DNM3: variants seen among roughly 807,000 people sequenced by gnomAD.
DNM3 encodes the protein dynamin-3.
In DNM3, 47 loss-of-function variants were observed where a neutral mutation model predicts 101.6. The ratio of observed to expected loss-of-function variants is 0.46; its 90% confidence interval spans 0.37 to 0.59. The LOEUF (loss-of-function observed/expected upper bound fraction) is 0.59. DNM3 is among the 20% of genes least tolerant of loss of function. The pLI is 0.00. For synonymous variants in DNM3, 385 were observed against 387.9 expected (o/e 0.99, Z 0.09); for missense variants, 849 against 1,085.7 (o/e 0.78, Z 3.06).
intron 14 of DNM3, among the ~76,000 whole-genome samples, chr1:172,234,447 G>A (rs2061458926): frequency 6.6e-6 from 1 of 152,096 alleles, no homozygotes. Context: ...TCATGAAAAT[G>A]GCCATACTGC....
At chr1:171,851,901 A>T (rs1057038126) in intron 1 of DNM3, among the ~76,000 whole-genome samples, 1 of 152,216 alleles carries the variant, frequency 6.6e-6, no homozygotes. Context: ...TGTAAAATGT[A>T]TTTCTTACTA....
chr1:172,408,655 T>C lies in DNM3; in HGVS notation c.*814T>C, dbSNP rs1415128982. 5.1e-6 allele frequency: 5 copies of C among 984,994 alleles called. No individual in the cohort carries two copies. In the South Asian group the frequency reaches 1.9e-4, roughly 37 times the overall value. 61.0% of individuals were successfully genotyped at this position (984,994 alleles called of 1,614,324 possible). ...TATATTCACCTCATGGTAGGTTATA[T>C]TGAAGGCTGACATGGAGAATGTTTA... On this transcript the variant is annotated 3_prime_UTR_variant, in exon 21 of 21. Coordinates refer to ENST00000627582, the MANE Select transcript of DNM3 (RefSeq NM_015569.5).
At chr1:172,233,197 A>G (rs1394623536) in intron 14 of DNM3, among the ~76,000 whole-genome samples, 1 of 152,236 alleles carries the variant, frequency 6.6e-6, no homozygotes, top group African/African-American at 2.4e-5. Flanking sequence ...AAAAAATGAT[A>G]AAGGGGATAT....
At chr1:171,973,672 C>CT (rs754902487) in intron 2 of DNM3, among the ~76,000 whole-genome samples, 4,985 of 137,066 alleles carry the variant, frequency 0.036, 230 homozygotes, top group African/African-American at 0.11. Flanking sequence ...ACTCCAAAAT[C>CT]TTTTTTTTTT....
At chr1:172,144,342 G>A (rs372870933) in intron 14 of DNM3, 13 of 197,390 alleles carry the variant, frequency 6.6e-5, no homozygotes, top group Middle Eastern at 1.0e-3. Flanking sequence ...CACAGACCAG[G>A]TGAGCAGTCA....
chr1:172,228,510 C>T (rs969051413), intron 14 of DNM3, among the ~76,000 whole-genome samples: 1 of 151,996 alleles, frequency 6.6e-6, no homozygotes, highest in African/African-American at 2.4e-5. Context: ...AGGGCATTTT[C>T]CCTCTGATTA....
At chr1:172,276,557 A>ATGTGTGTGTG (rs60837783) in intron 15 of DNM3, among the ~76,000 whole-genome samples, 39,988 of 144,096 alleles carry the variant, frequency 0.28, 5,775 homozygotes, top group Middle Eastern at 0.36. Flanking sequence ...AAAAATCTTA[A>ATGTGTGTGTG]TGTGTGTGTG....
chr1:172,006,945 C>T (rs1229807766), intron 4 of DNM3, among the ~76,000 whole-genome samples: 3 of 152,100 alleles, frequency 2.0e-5, no homozygotes, highest in Non-Finnish European at 4.4e-5. Flanking sequence ...TTCTGCTCAG[C>T]ATAATGTTTT....
At chr1:171,898,478 G>C (rs933046343) in intron 1 of DNM3, among the ~76,000 whole-genome samples, 5 of 151,934 alleles carry the variant, frequency 3.3e-5, no homozygotes, top group African/African-American at 1.2e-4. Context: ...ATTTAATCGA[G>C]AGATTATTTC....
chr1:172,330,764 C>T (rs919781778), intron 17 of DNM3, among the ~76,000 whole-genome samples: 13 of 151,818 alleles, frequency 8.6e-5, no homozygotes, highest in African/African-American at 2.9e-4. Flanking sequence ...ATGGTGAAAA[C>T]AGAATATCTA....
intron 17 of DNM3, among the ~76,000 whole-genome samples, chr1:172,372,965 C>T (rs189583340): frequency 4.0e-5 from 6 of 151,890 alleles, no homozygotes; most frequent in Non-Finnish European, 8.8e-5. Context: ...ATTACAGGCA[C>T]AAGCCACCAT....
At chr1:172,130,639 T>C (rs536819542) in intron 13 of DNM3, among the ~76,000 whole-genome samples, 22 of 152,354 alleles carry the variant, frequency 1.4e-4, no homozygotes, top group African/African-American at 2.2e-4. Flanking sequence ...TTTAGTTTAT[T>C]ATTTTATCTT....
intron 17 of DNM3, chr1:172,377,984 G>A (rs2068700104): frequency 6.6e-6 from 1 of 152,012 alleles, no homozygotes; most frequent in Admixed American, 6.6e-5. Flanking sequence ...GCCTAGAACT[G>A]ATTGGATGAT....
intron 14 of DNM3, chr1:172,132,849 TA>T (rs1558620265): frequency 2.6e-6 from 2 of 768,688 alleles, no homozygotes; most frequent in Non-Finnish European, 2.3e-6. Context: ...AACCTTTTTT[TA>T]AAAAAGTCTT....
chr1:172,333,409 C>G (rs911442207), intron 17 of DNM3, among the ~76,000 whole-genome samples: 1 of 152,060 alleles, frequency 6.6e-6, no homozygotes, highest in Non-Finnish European at 1.5e-5. Context: ...TGCATCGAAG[C>G]CGTACACCTG....
chr1:171,913,099 G>T lies in DNM3; in HGVS notation c.162-8649G>T, dbSNP rs191627534. ...GGAGAACACTTAGTATTTGTAAAGTGAGAACTGACTTCTTTGTTCAGTTTA... is the reference window on the plus strand; with the variant it reads ...GGAGAACACTTAGTATTTGTAAAGTTAGAACTGACTTCTTTGTTCAGTTTA... On this transcript the variant is annotated intron_variant, in intron 1 of 20. Coordinates refer to ENST00000627582, the MANE Select transcript of DNM3 (RefSeq NM_015569.5). Among the ~76,000 whole-genome samples, 13 of 152,302 alleles carry T rather than the reference G, an allele frequency of 8.5e-5. No homozygotes were observed. The East Asian group carries it at 2.5e-3, about 29-fold the overall frequency.
rs549176722 is a variant in DNM3 at position 171,860,350 on chromosome 1, C to T, written c.161+18533C>T. On this transcript the variant is annotated intron_variant, in intron 1 of 20. Transcript: ENST00000627582. ...GGTATTTCTGATAAAAATTTAGCAT[C>T]CAAGTTGAGATGTGCTCTAAGTGTA... Among the ~76,000 whole-genome samples, 6 of 152,092 alleles carry T rather than the reference C, an allele frequency of 3.9e-5. No homozygotes were observed. In the South Asian group the frequency reaches 1.2e-3, roughly 32 times the overall value.
rs376534975 is a variant in DNM3 at position 172,131,225 on chromosome 1, C to T, written c.1596C>T (p.Gly532=). The T allele has an allele frequency of 1.5e-4, 250 of 1,613,344 alleles. No individual in the cohort carries two copies. Among genetic ancestry groups the T allele is most frequent in the Non-Finnish European group, 2.0e-4 (238 of 1,179,572 alleles). ...TCAGCAACATTGGCATCATGAAAGG[C>T]GGCTCGAAGGGATACTGGTTCGTCC... ...LTISNIGIMK[G]GSKGYWFVLT... is the part of the protein sequence containing the mutation. Residue 532 remains glycine (G), a synonymous_variant, in exon 14 of 21, where the codon GGC becomes GGT. Coordinates refer to ENST00000627582, the MANE Select transcript of DNM3 (RefSeq NM_015569.5).
intron 13 of DNM3, among the ~76,000 whole-genome samples, chr1:172,098,069 C>T (rs2054369127): frequency 6.6e-6 from 1 of 152,170 alleles, no homozygotes; most frequent in Non-Finnish European, 1.5e-5. Flanking sequence ...AATGAAATTT[C>T]AGGCACGCAT....
Sources: gnomAD v4.1 joint callset for allele counts (sites outside exome capture counted in the v4.1 genomes callset) on GRCh38, gnomAD v4.1.1 for gene constraint, MANE v1.5 for transcripts, NCBI Gene and HGNC (gene_info 2026-07-23, HGNC 2026-07-21) for gene names.